Variants in NSD2 observed in about 807,000 individuals in gnomAD.
NSD2 encodes the protein histone-lysine N-methyltransferase NSD2.
In NSD2, 12 loss-of-function variants were observed where a neutral mutation model predicts 139.0. The ratio of observed to expected loss-of-function variants is 0.09; its 90% CI spans 0.06 to 0.14. The LOEUF (loss-of-function observed/expected upper bound fraction) is 0.14. Ranked by LOEUF, NSD2 falls within the 10% of genes least tolerant of loss-of-function variation. The pLI is 1.00. For synonymous variants in NSD2, 669 were observed against 648.7 expected (o/e 1.03, Z -0.48); for missense variants, 1,155 against 1,745.0 (o/e 0.66, Z 6.02).
chr4:1,897,046 A>T (rs981632103), intron 1 of NSD2, among the ~76,000 whole-genome samples: 4 of 151,772 alleles, frequency 2.6e-5, no homozygotes, highest in African/African-American at 9.7e-5. Context: ...AGTGCCTTGT[A>T]GTCCTCACAG....
At chr4:1,923,684 C>T (rs9999240) in intron 5 of NSD2, among the ~76,000 whole-genome samples, 8,723 of 150,852 alleles carry the variant, frequency 0.058, 852 homozygotes, top group African/African-American at 0.21. Flanking sequence ...GAAGATGTGC[C>T]TTTTTTTCTC....
rs1450786651 is a variant in NSD2, at chr4:1,955,138, A to G, written c.2339-23A>G. 1.3e-6 allele frequency: 2 copies of G among 1,586,884 alleles called. No individual in the cohort carries two copies. The highest frequency in any genetic ancestry group is 1.3e-5 in the African/African-American group (1 of 74,494). ...ACTGGAGTCAGTGTTTGGGGTCCTT[A>G]GGGTGTGTTTCTTTGCCTTCAGGTA... On this transcript the variant is annotated intron_variant, in intron 12 of 21. Coordinates refer to ENST00000508803, the MANE Select transcript of NSD2 (RefSeq NM_001042424.3). The surrounding 1 kb of genome is among the most constrained non-coding windows in gnomAD (Gnocchi z 4.7).
At chr4:1,910,175 C>T (rs1004453524) in intron 3 of NSD2, among the ~76,000 whole-genome samples, 2 of 151,864 alleles carry the variant, frequency 1.3e-5, no homozygotes, top group Non-Finnish European at 2.9e-5. Context: ...GCAGCAGAAC[C>T]TGTGTTAGCT....
chr4:1,881,665 G>A (rs1048536344), intron 1 of NSD2, among the ~76,000 whole-genome samples: 2 of 152,124 alleles, frequency 1.3e-5, no homozygotes. Context: ...CCAAAGTTCT[G>A]GGAATACAAG....
At chr4:1,930,376 T>C (rs1273439931) in intron 5 of NSD2, among the ~76,000 whole-genome samples, 1 of 152,218 alleles carries the variant, frequency 6.6e-6, no homozygotes, top group East Asian at 1.9e-4. Flanking sequence ...CATTTATCAT[T>C]TCCAACATTT....
intron 1 of NSD2, among the ~76,000 whole-genome samples, chr4:1,886,432 C>A (rs1377370005): frequency 6.6e-6 from 1 of 152,186 alleles, no homozygotes; most frequent in Non-Finnish European, 1.5e-5. Context: ...GTCTTGAACT[C>A]CTGGCCTCAA....
intron 3 of NSD2, among the ~76,000 whole-genome samples, chr4:1,914,032 T>G (rs1428075573): frequency 6.6e-6 from 1 of 152,148 alleles, no homozygotes; most frequent in African/African-American, 2.4e-5. Context: ...ATGCTACTTT[T>G]GTTTTTGTGA....
At chr4:1,917,164 GT>G (rs1719502206) in intron 4 of NSD2, 127 bp downstream of exon 4, 1 of 1,027,546 alleles carries the variant, frequency 9.7e-7, no homozygotes, top group Admixed American at 3.3e-5. Context: ...CTCTTTCATT[GT>G]TGACTTTTGC....
At position 1,942,559 on chromosome 4, in the gene NSD2, G is replaced by C; in HGVS notation, c.1881+2781G>C. On this transcript the variant is annotated intron_variant, in intron 9 of 21. Coordinates refer to ENST00000508803, the MANE Select transcript of NSD2 (RefSeq NM_001042424.3). The surrounding 1 kb of genome is among the most constrained non-coding windows in gnomAD (Gnocchi z 4.0). ...GAAGAAAACAGATAACAAATTTTAAGACCAAGGTAAGATAACTAATCAAGG... is the reference window on the plus strand; with the variant it reads ...GAAGAAAACAGATAACAAATTTTAACACCAAGGTAAGATAACTAATCAAGG... The C allele has an allele frequency of 7.2e-7, 1 of 1,379,658 alleles. No individual in the cohort carries two copies. Among genetic ancestry groups the C allele is most frequent in the Non-Finnish European group, 9.4e-7 (1 of 1,063,934 alleles). The allele number at this position is 1,379,658 out of a possible 1,614,324, so 85.5% of individuals were successfully genotyped here.
chr4:1,925,764 A>ATC (rs1720815248), intron 5 of NSD2, among the ~76,000 whole-genome samples: 1 of 147,282 alleles, frequency 6.8e-6, no homozygotes, highest in African/African-American at 2.7e-5. Flanking sequence ...TTATATATCT[A>ATC]TATATATATT....
intron 9 of NSD2, chr4:1,941,831 T>C: frequency 9.5e-7 from 1 of 1,054,940 alleles, no homozygotes; most frequent in South Asian, 4.6e-5. Flanking sequence ...TATTATATAT[T>C]AACGCGACTG....
In NSD2 at chr4:1,959,659, C is replaced by T. The variant is rs1725172891; in HGVS notation, c.3174C>T (p.Thr1058=). ...AGTTCTGCCAGAACCAGTGCTTCAC[C>T]AAGCGCCAGTACCCAGAGACCAAGA... ...AGEFCQNQCF[T]KRQYPETKII... The change falls in exon 17 of 22, where the codon ACC becomes ACT. Residue 1058 remains threonine, a synonymous_variant. Transcript: ENST00000508803. 3.1e-6 allele frequency: 5 copies of T among 1,614,098 alleles called. No individual in the cohort carries two copies. Among genetic ancestry groups the T allele is most frequent in the Non-Finnish European group, 2.5e-6 (3 of 1,180,014 alleles).
chr4:1,955,673 G>T lies in NSD2; in HGVS notation c.2519-20G>T. The T allele has an allele frequency of 6.2e-7, 1 of 1,604,700 alleles. No homozygotes were observed. Among genetic ancestry groups the T allele is most frequent in the Non-Finnish European group, 8.5e-7 (1 of 1,174,834 alleles). ...CATAGCAGACAGGCTAAGCCTGGCC[G>T]CCTCGCCCTCCTCTTGCAGGGGGGA... On this transcript the variant is annotated intron_variant, in intron 13 of 21. Coordinates refer to ENST00000508803, the MANE Select transcript of NSD2 (RefSeq NM_001042424.3). This position sits in a 1 kb window ranked among gnomAD's most constrained non-coding sequence, Gnocchi z 4.7.
chr4:1,894,166 A>G (rs1230114772), intron 1 of NSD2, among the ~76,000 whole-genome samples: 1 of 152,136 alleles, frequency 6.6e-6, no homozygotes, highest in Admixed American at 6.5e-5. Context: ...TATGTTGGCC[A>G]GGCTGGTCTC....
intron 1 of NSD2, among the ~76,000 whole-genome samples, chr4:1,875,387 T>G (rs918199510): frequency 2.0e-5 from 3 of 149,992 alleles, no homozygotes; most frequent in Non-Finnish European, 4.4e-5. Context: ...GCTCAATCGA[T>G]CCTCCTACCT....
At chr4:1,940,107 A>G in intron 9 of NSD2, 1 of 1,173,010 alleles carries the variant, frequency 8.5e-7, no homozygotes, top group Non-Finnish European at 1.1e-6. Context: ...AAGAGTTCAC[A>G]TGGAAGTAAG....
At chr4:1,871,564 C>A (rs1713761332) in intron 1 of NSD2, 22 bp downstream of exon 1, 1 of 151,300 alleles carries the variant, frequency 6.6e-6, no homozygotes, top group African/African-American at 2.4e-5. Context: ...GCCCGCCCAA[C>A]AGTCGCGGGC....
intron 5 of NSD2, among the ~76,000 whole-genome samples, chr4:1,924,899 T>C (rs1291640485): frequency 2.0e-5 from 3 of 152,018 alleles, no homozygotes; most frequent in Admixed American, 1.3e-4. Flanking sequence ...TGCACTCCAG[T>C]TTGGATGACA....
chr4:1,924,520 A>G (rs1283664199), intron 5 of NSD2, among the ~76,000 whole-genome samples: 1 of 152,166 alleles, frequency 6.6e-6, no homozygotes, highest in Non-Finnish European at 1.5e-5. Flanking sequence ...TTGATCTCAG[A>G]TGGTCCTTCT....
Sources: allele counts gnomAD v4.1 joint callset (sites outside exome capture counted in the v4.1 genomes callset), GRCh38; gene constraint gnomAD v4.1.1; non-coding constraint Gnocchi (gnomAD v3.1); transcripts MANE v1.5; gene names NCBI Gene and HGNC (gene_info 2026-07-23, HGNC 2026-07-21).